Variants in SYT9 observed in about 807,000 individuals in gnomAD.
The protein encoded by SYT9 is synaptotagmin-9.
In SYT9, 22 loss-of-function variants were observed where a neutral mutation model predicts 48.4. The ratio of observed to expected loss-of-function variants is 0.45; its 90% CI spans 0.32 to 0.65. The LOEUF (loss-of-function observed/expected upper bound fraction) is 0.65, where lower values mean the gene tolerates loss of function less well. Among genes scored for constraint, SYT9 ranks in the 30% least tolerant of loss-of-function variants. The probability of loss-of-function intolerance (pLI) is 0.03; values close to 1 mark genes in which losing one functional copy is unlikely to be tolerated. For synonymous variants in SYT9, 265 were observed against 245.0 expected, an observed-to-expected ratio of 1.08 and a Z score of -0.76; for missense variants, 577 against 622.0, an observed-to-expected ratio of 0.93 and a Z score of 0.77.
At chr11:7,364,091 T>C (rs1302819670) in intron 3 of SYT9, among the ~76,000 whole-genome samples, 1 of 152,120 alleles carries the variant, frequency 6.6e-6, no homozygotes, top group Non-Finnish European at 1.5e-5. Flanking sequence ...GACTGAAGAA[T>C]GAGGACAGCA....
intron 3 of SYT9, among the ~76,000 whole-genome samples, chr11:7,406,437 G>A (rs1001262174): frequency 1.3e-5 from 2 of 151,306 alleles, no homozygotes; most frequent in African/African-American, 4.9e-5. Flanking sequence ...TTCTGTGCCT[G>A]ACTTATTTCA....
intron 3 of SYT9, among the ~76,000 whole-genome samples, chr11:7,333,582 G>A (rs1849580803): frequency 6.6e-6 from 1 of 152,186 alleles, no homozygotes; most frequent in South Asian, 2.1e-4. Context: ...TGGTTTTGAA[G>A]TCTTTAATAT....
rs550713150 is a variant in SYT9, at chr11:7,423,243, TGA to T, written c.1467+2614_1467+2615del. Among the ~76,000 whole-genome samples the T allele has an allele frequency of 1.1e-4, 17 of 152,284 alleles. No homozygotes were observed. In the South Asian group the frequency reaches 3.5e-3, roughly 32 times the overall value. The stretch of plus-strand genomic sequence containing the variant: ...CACGTCTGGGACTCCAGATCCATCC[TGA>T]GAGAGGAAGTGATGCTTTTTCTTTT... On this transcript the variant is annotated intron_variant, in intron 6 of 6. Transcript: ENST00000318881.
intron 1 of SYT9, among the ~76,000 whole-genome samples, chr11:7,282,195 T>G (rs1848506741): frequency 6.6e-6 from 1 of 152,202 alleles, no homozygotes; most frequent in African/African-American, 2.4e-5. Context: ...ACTTTTCTCC[T>G]AATAATGTAA....
intron 1 of SYT9, among the ~76,000 whole-genome samples, chr11:7,255,076 T>C (rs1847943238): frequency 6.6e-6 from 1 of 152,216 alleles, no homozygotes; most frequent in African/African-American, 2.4e-5. Flanking sequence ...CTGTACCAAC[T>C]TGTGGAAAGG....
At chr11:7,428,626 G>C (rs759878829) in intron 6 of SYT9, among the ~76,000 whole-genome samples, 28 of 152,218 alleles carry the variant, frequency 1.8e-4, no homozygotes, top group Non-Finnish European at 4.0e-4. Flanking sequence ...CTTGTCAAAT[G>C]CTGTCTTCCA....
rs1589941689 is a variant in SYT9, at chr11:7,318,617, G to A, written c.1044+4676G>A. Among the ~76,000 whole-genome samples, 7 of 152,234 alleles carry A rather than the reference G, an allele frequency of 4.6e-5. No individual in the cohort carries two copies. In the South Asian group the frequency reaches 1.5e-3, roughly 32 times the overall value. The stretch of plus-strand genomic sequence containing the variant: ...TCATGAGCCACCGCGCCCAGCCTTA[G>A]CTATGTATATTTTGTGGATATATTC... On this transcript the variant is annotated intron_variant, in intron 3 of 6. Coordinates refer to ENST00000318881, the MANE Select transcript of SYT9 (RefSeq NM_175733.4).
At position 7,467,773 on chromosome 11, in the gene SYT9, T is replaced by C. The variant is rs1191279677; in HGVS notation, c.*973T>C. ...TCTGGCCTGAATGCCTTCTGGGGTATTTCCATATGCAACAGCCCAGAGTCA... is the reference window on the plus strand; with the variant it reads ...TCTGGCCTGAATGCCTTCTGGGGTACTTCCATATGCAACAGCCCAGAGTCA... On this transcript the variant is annotated 3_prime_UTR_variant, in exon 7 of 7. Transcript: ENST00000318881. The C allele has an allele frequency of 6.5e-6, 1 of 152,682 alleles. No homozygotes were observed. Among genetic ancestry groups the C allele is most frequent in the East Asian group, 1.9e-4 (1 of 5,206 alleles). The allele number at this position is 152,682 out of a possible 1,614,324, so 9.5% of individuals were successfully genotyped here. A position where few individuals can be genotyped will look rare whatever the true frequency, so the allele number is the denominator to read the frequency against.
chr11:7,396,177 A>G (rs568175087), intron 3 of SYT9, among the ~76,000 whole-genome samples: 10 of 152,118 alleles, frequency 6.6e-5, no homozygotes, highest in African/African-American at 9.7e-5. Context: ...TCATGATCAC[A>G]ACATAGACTA....
At chr11:7,389,738 G>T (rs1489537283) in intron 3 of SYT9, among the ~76,000 whole-genome samples, 1 of 152,034 alleles carries the variant, frequency 6.6e-6, no homozygotes, top group South Asian at 2.1e-4. Flanking sequence ...CGAGATCAGT[G>T]AAAACAAGTT....
At chr11:7,348,370 C>T (rs12364230) in intron 3 of SYT9, among the ~76,000 whole-genome samples, 1 of 152,210 alleles carries the variant, frequency 6.6e-6, no homozygotes, top group Non-Finnish European at 1.5e-5. Context: ...ATTAGAGAAT[C>T]TAATCCATCG....
At chr11:7,238,934 G>A (rs895052341) in intron 1 of SYT9, 11 of 456,126 alleles carry the variant, frequency 2.4e-5, no homozygotes, top group Admixed American at 4.7e-5. Flanking sequence ...TGCTAGTGGG[G>A]AATCTTGTGC....
chr11:7,346,354 T>G (rs1055319752), intron 3 of SYT9, among the ~76,000 whole-genome samples: 10 of 152,336 alleles, frequency 6.6e-5, no homozygotes, highest in Admixed American at 2.0e-4. Flanking sequence ...AGGGGGTTCC[T>G]GTGGCTGAGA....
At chr11:7,241,778 T>G (rs1460893639) in intron 1 of SYT9, among the ~76,000 whole-genome samples, 1 of 152,206 alleles carries the variant, frequency 6.6e-6, no homozygotes, top group African/African-American at 2.4e-5. Flanking sequence ...TTTCCTGCAT[T>G]TGTCCAGGGG....
intron 6 of SYT9, among the ~76,000 whole-genome samples, chr11:7,421,346 G>C (rs984770095): frequency 6.6e-6 from 1 of 152,220 alleles, no homozygotes; most frequent in African/African-American, 2.4e-5. Flanking sequence ...AAAAGGGCAA[G>C]AGCCAAAAGG....
At chr11:7,319,312 T>G (rs897111903) in intron 3 of SYT9, among the ~76,000 whole-genome samples, 1 of 151,820 alleles carries the variant, frequency 6.6e-6, no homozygotes, top group African/African-American at 2.4e-5. Flanking sequence ...GAATATGCCT[T>G]TATTTTGCTT....
At chr11:7,455,120 A>G (rs1309457417) in intron 6 of SYT9, among the ~76,000 whole-genome samples, 4 of 152,048 alleles carry the variant, frequency 2.6e-5, no homozygotes, top group Non-Finnish European at 2.9e-5. Context: ...AAGCCTCTAA[A>G]CCTTTAAGGA....
intron 6 of SYT9, among the ~76,000 whole-genome samples, chr11:7,460,770 T>C (rs1387800796): frequency 1.3e-5 from 2 of 152,256 alleles, no homozygotes; most frequent in Non-Finnish European, 1.5e-5. Flanking sequence ...TAACAACATG[T>C]GTATTGCACT....
chr11:7,330,209 A>G (rs1849502222), intron 3 of SYT9, among the ~76,000 whole-genome samples: 1 of 152,222 alleles, frequency 6.6e-6, no homozygotes, highest in Admixed American at 6.5e-5. Context: ...CTACTCAGCA[A>G]TGAAAGGAAT....
Sources: allele counts gnomAD v4.1 joint callset (sites outside exome capture counted in the v4.1 genomes callset), GRCh38; gene constraint gnomAD v4.1.1; transcripts MANE v1.5; gene names NCBI Gene and HGNC (gene_info 2026-07-23, HGNC 2026-07-21).